Variants in TMEM9B observed in about 807,000 individuals in gnomAD.
TMEM9B encodes the protein transmembrane protein 9B.
A neutral mutation model predicts 23.5 loss-of-function variants in TMEM9B; 8 were observed. The observed-to-expected ratio is 0.34, with a 90% CI of 0.20 to 0.61. TMEM9B has a LOEUF of 0.61. Ranked by LOEUF, TMEM9B falls within the 20% of genes least tolerant of loss-of-function variation. The pLI, the probability that TMEM9B is intolerant of heterozygous loss-of-function variation, is 0.78. For missense variants in TMEM9B, 197 were observed against 252.3 expected (o/e 0.78, Z 1.49); for synonymous variants, 106 against 96.3 (o/e 1.10, Z -0.59).
chr11:8,958,410 C>T (rs868023353), intron 2 of TMEM9B, among the ~76,000 whole-genome samples: 2 of 150,424 alleles, frequency 1.3e-5, no homozygotes, highest in Admixed American at 6.6e-5. Context: ...TGTAGTGAGC[C>T]GAGATCGCGC....
At chr11:8,961,708 C>T (rs1854086377) in intron 2 of TMEM9B, among the ~76,000 whole-genome samples, 1 of 152,232 alleles carries the variant, frequency 6.6e-6, no homozygotes, top group South Asian at 2.1e-4. Context: ...ATCATCAAAA[C>T]CTACAAGTTG....
intron 4 of TMEM9B, 191 bp downstream of exon 4, chr11:8,953,012 C>T: frequency 1.5e-6 from 1 of 680,902 alleles, no homozygotes; most frequent in Non-Finnish European, 2.6e-6. Context: ...TTTAAATCAT[C>T]ACATTTATGG....
Position 8,953,717 on chromosome 11 carries a change from T to C in TMEM9B, c.307-380A>G, listed in dbSNP as rs182128203. 3.3e-3 allele frequency among the ~76,000 whole-genome samples: 503 copies of C among 152,324 alleles called. 3 individuals are homozygous for C. Among genetic ancestry groups the C allele is most frequent in the Middle Eastern group, 0.01 (3 of 294 alleles). On this transcript the variant is annotated intron_variant, in intron 3 of 4. Transcript: ENST00000534025. ...GATTTTTTCTTGTGACCTTAATTCA[T>C]GTACTGAGAAAAAGTACAGTGTGAC...
In TMEM9B at chr11:8,957,982, C is replaced by A. The variant is rs1431288926; in HGVS notation, c.198-1684G>T. Among the ~76,000 whole-genome samples, 3 of 151,196 alleles carry A rather than the reference C, an allele frequency of 2.0e-5. No homozygotes were observed. The highest frequency in any genetic ancestry group is 4.4e-5 in the Non-Finnish European group (3 of 67,918). On this transcript the variant is annotated intron_variant, in intron 2 of 4. Coordinates refer to ENST00000534025, the MANE Select transcript of TMEM9B (RefSeq NM_020644.3). This position sits in a 1 kb window ranked among gnomAD's most constrained non-coding sequence, Gnocchi z 4.3. ...GACCAGCCTGACCAACATGGAGAAA[C>A]CCCGTCTCTACTAAAAATACAAAAA...
intron 4 of TMEM9B, among the ~76,000 whole-genome samples, chr11:8,949,590 T>A (rs1457579758): frequency 6.6e-6 from 1 of 152,242 alleles, no homozygotes; most frequent in African/African-American, 2.4e-5. Context: ...GGAGTCTGCA[T>A]GTATATGGAA....
At chr11:8,961,270 A>T (rs1450122779) in intron 2 of TMEM9B, among the ~76,000 whole-genome samples, 1 of 152,218 alleles carries the variant, frequency 6.6e-6, no homozygotes, top group Non-Finnish European at 1.5e-5. Context: ...TAACTCTTTG[A>T]TGGCTATTTA....
chr11:8,956,086 T>C, intron 3 of TMEM9B, 104 bp downstream of exon 3: 1 of 900,320 alleles, frequency 1.1e-6, no homozygotes, highest in Non-Finnish European at 1.7e-6. Flanking sequence ...TTATTCCTTT[T>C]GGGGTAGGGG....
intron 4 of TMEM9B, among the ~76,000 whole-genome samples, chr11:8,949,283 G>A (rs940500992): frequency 2.0e-5 from 3 of 152,208 alleles, no homozygotes; most frequent in Non-Finnish European, 4.4e-5. Context: ...CAAAGTAAAC[G>A]AGTACAACTG....
chr11:8,950,149 AAGG>A (rs1490180063), intron 4 of TMEM9B, among the ~76,000 whole-genome samples: 2 of 152,204 alleles, frequency 1.3e-5, no homozygotes, highest in Non-Finnish European at 2.9e-5. Context: ...GAAAAAAAAA[AAGG>A]AGGCAGGCTA....
Position 8,948,386 on chromosome 11 carries a change from C to T in TMEM9B, c.531G>A (p.Gln177=), listed in dbSNP as rs1306351120. Residue 177 remains glutamine (Q), a synonymous_variant, in exon 5 of 5, where the codon CAG becomes CAA. Coordinates refer to ENST00000534025, the MANE Select transcript of TMEM9B (RefSeq NM_020644.3). ...NVLNKVEYAQ[Q]RWKLQVQEQR... is the part of the protein sequence containing the mutation. ...GCTCTTGGACTTGAAGCTTCCAGCG[C>T]TGCTGTGCATATTCTACCTTGTTCA... The T allele has an allele frequency of 6.2e-7, 1 of 1,614,236 alleles. No individual in the cohort carries two copies. The highest frequency in any genetic ancestry group is 8.5e-7 in the Non-Finnish European group (1 of 1,180,038).
In TMEM9B at chr11:8,948,299, C is replaced by T. The variant is rs1236904118; in HGVS notation, c.*21G>A. 2 of 1,606,944 alleles carry T rather than the reference C, an allele frequency of 1.2e-6. No individual in the cohort carries two copies. Among genetic ancestry groups the T allele is most frequent in the South Asian group, 2.2e-5 (2 of 90,094 alleles). Reference sequence around the variant, plus strand: ...AGTTGTCTGCCTGTTTCTTTCTAGTCACCTTGAATTCAATTCCCAATTAGC... The same window carrying T: ...AGTTGTCTGCCTGTTTCTTTCTAGTTACCTTGAATTCAATTCCCAATTAGC... On this transcript the variant is annotated 3_prime_UTR_variant, in exon 5 of 5. Transcript: ENST00000534025.
intron 2 of TMEM9B, among the ~76,000 whole-genome samples, 184 bp downstream of exon 2, chr11:8,961,908 T>C (rs1433216841): frequency 6.6e-6 from 1 of 152,204 alleles, no homozygotes; most frequent in Non-Finnish European, 1.5e-5. Flanking sequence ...TGTATACCTT[T>C]AGGCCTGCAG....
Position 8,964,328 on chromosome 11 carries a change from C to T in TMEM9B, c.-15G>A. The stretch of plus-strand genomic sequence containing the variant: ...AGGGTCGCCATCGCTGGGGGCCCAG[C>T]GGTCCCACAGCCCGGAGCCCCCGCG... On this transcript the variant is annotated 5_prime_UTR_variant, in exon 1 of 5. Coordinates refer to ENST00000534025, the MANE Select transcript of TMEM9B (RefSeq NM_020644.3). The T allele has an allele frequency of 6.4e-7, 1 of 1,555,490 alleles. No homozygotes were observed. Among genetic ancestry groups the T allele is most frequent in the Non-Finnish European group, 8.7e-7 (1 of 1,150,888 alleles).
Position 8,948,282 on chromosome 11 carries a change from G to T in TMEM9B, c.*38C>A. 6.3e-7 allele frequency: 1 copy of T among 1,598,328 alleles called. No individual in the cohort carries two copies. Among genetic ancestry groups the T allele is most frequent in the Non-Finnish European group, 8.5e-7 (1 of 1,170,838 alleles). ...CCCAGTCAGTTCTTTCCAGTTGTCT[G>T]CCTGTTTCTTTCTAGTCACCTTGAA... On this transcript the variant is annotated 3_prime_UTR_variant, in exon 5 of 5. Coordinates refer to ENST00000534025, the MANE Select transcript of TMEM9B (RefSeq NM_020644.3).
chr11:8,964,469 C>T (rs889136776), upstream of TMEM9B: 15 of 1,421,460 alleles, frequency 1.1e-5, no homozygotes, highest in Middle Eastern at 2.5e-4. Flanking sequence ...CCGGGCGCGC[C>T]GGGTCAGATG....
chr11:8,958,404 G>A (rs1184151116), intron 2 of TMEM9B, among the ~76,000 whole-genome samples: 1 of 151,194 alleles, frequency 6.6e-6, no homozygotes, highest in Non-Finnish European at 1.5e-5. Context: ...AGAGGTTGTA[G>A]TGAGCCGAGA....
chr11:8,964,502 C>T (rs1391108261), upstream of TMEM9B: 33 of 1,403,736 alleles, frequency 2.4e-5, no homozygotes, highest in Non-Finnish European at 2.9e-5. Flanking sequence ...GCCCCGGAAC[C>T]GGTTACCAGT....
At chr11:8,951,244 G>A (rs1003998113) in intron 4 of TMEM9B, among the ~76,000 whole-genome samples, 5 of 152,164 alleles carry the variant, frequency 3.3e-5, no homozygotes, top group East Asian at 1.9e-4. Flanking sequence ...GAAGGATGTC[G>A]TTTAAGACTT....
At chr11:8,955,479 T>G (rs1853956890) in intron 3 of TMEM9B, among the ~76,000 whole-genome samples, 1 of 152,332 alleles carries the variant, frequency 6.6e-6, no homozygotes, top group East Asian at 1.9e-4. Context: ...CTTGTTTTCC[T>G]GCAACTAGAC....
Sources: allele counts gnomAD v4.1 joint callset (sites outside exome capture counted in the v4.1 genomes callset), GRCh38; gene constraint gnomAD v4.1.1; non-coding constraint Gnocchi (gnomAD v3.1); transcripts MANE v1.5; gene names NCBI Gene and HGNC (gene_info 2026-07-23, HGNC 2026-07-21).